SUPT3H: variants seen among roughly 807,000 people sequenced by gnomAD.
The protein encoded by SUPT3H is SPT3 homolog, SAGA and STAGA complex component, also known as transcription initiation protein SPT3 homolog.
In SUPT3H, 44 loss-of-function variants were observed where a neutral mutation model predicts 44.3. The observed-to-expected ratio is 0.99, with a 90% CI of 0.78 to 1.28. The LOEUF (loss-of-function observed/expected upper bound fraction) is 1.28, where lower values mean the gene tolerates loss of function less well. Among genes scored for constraint, SUPT3H ranks in the 50% most tolerant of loss-of-function variants. The pLI, the probability that SUPT3H is intolerant of heterozygous loss-of-function variation, is 0.00. For missense variants in SUPT3H, 380 were observed against 387.1 expected, an observed-to-expected ratio of 0.98 and a Z score of 0.15; for synonymous variants, 124 against 125.6, an observed-to-expected ratio of 0.99 and a Z score of 0.09.
At chr6:45,090,962 T>C (rs1797057618) in intron 3 of SUPT3H, among the ~76,000 whole-genome samples, 1 of 151,958 alleles carries the variant, frequency 6.6e-6, no homozygotes, top group South Asian at 2.1e-4. Context: ...AAGATTCTAC[T>C]AAAACTTTTC....
chr6:44,838,727 C>A (rs73432920), intron 10 of SUPT3H, among the ~76,000 whole-genome samples: 1,771 of 152,172 alleles, frequency 0.012, 41 homozygotes, highest in African/African-American at 0.041. Context: ...GCTTTAGGGC[C>A]TGGCATAAAC....
At chr6:45,348,022 T>C (rs1377880575) in intron 2 of SUPT3H, among the ~76,000 whole-genome samples, 2 of 152,028 alleles carry the variant, frequency 1.3e-5, no homozygotes, top group East Asian at 1.9e-4. Flanking sequence ...TATGTATGCA[T>C]GTGTACACAT....
At chr6:44,886,552 C>T (rs1208571124) in intron 10 of SUPT3H, among the ~76,000 whole-genome samples, 3 of 152,232 alleles carry the variant, frequency 2.0e-5, no homozygotes, top group Non-Finnish European at 4.4e-5. Context: ...AAATCCTTTA[C>T]AGACAAGCAA....
chr6:44,825,604 G>GT (rs1466843135), downstream of SUPT3H, among the ~76,000 whole-genome samples: 2 of 152,214 alleles, frequency 1.3e-5, no homozygotes, highest in Admixed American at 1.3e-4. Context: ...TAGTGGGGCT[G>GT]TGAGTATTAA....
intron 5 of SUPT3H, among the ~76,000 whole-genome samples, chr6:45,005,020 TG>T (rs1442514406): frequency 6.6e-6 from 1 of 152,156 alleles, no homozygotes; most frequent in Non-Finnish European, 1.5e-5. Context: ...GCATTCTGTA[TG>T]GTTGGCTTAA....
chr6:44,849,731 A>C (rs185811213), intron 10 of SUPT3H, among the ~76,000 whole-genome samples: 2 of 152,328 alleles, frequency 1.3e-5, no homozygotes, highest in Admixed American at 1.3e-4. Context: ...TATGTGCAGG[A>C]GAAAATATTA....
chr6:44,893,802 C>T (rs1278043303), intron 10 of SUPT3H, among the ~76,000 whole-genome samples: 20 of 141,798 alleles, frequency 1.4e-4, no homozygotes, highest in Non-Finnish European at 2.0e-4. Flanking sequence ...GCCACACTGA[C>T]TTCCACAATG....
At chr6:44,880,921 G>C (rs1413448231) in intron 10 of SUPT3H, among the ~76,000 whole-genome samples, 1 of 152,106 alleles carries the variant, frequency 6.6e-6, no homozygotes, top group Non-Finnish European at 1.5e-5. Context: ...GCTCCTGAAG[G>C]AAGCACTAAA....
rs532782783 is a variant in SUPT3H, at chr6:44,879,432, G to T, written c.913-49575C>A. On this transcript the variant is annotated intron_variant, in intron 10 of 10. Transcript: ENST00000371459. The stretch of plus-strand genomic sequence containing the variant: ...AGAAAGGCAGCAGCCCCAGTCAGGG[G>T]CTTACAGATAAAGCTCCCATCTTCC... Among the ~76,000 whole-genome samples, 6 of 152,332 alleles carry T rather than the reference G, an allele frequency of 3.9e-5. No homozygotes were observed. The South Asian group carries it at 1.0e-3, about 26-fold the overall frequency.
intron 5 of SUPT3H, among the ~76,000 whole-genome samples, chr6:45,005,156 C>G (rs766822535): frequency 4.6e-5 from 7 of 152,088 alleles, no homozygotes; most frequent in Non-Finnish European, 1.0e-4. Flanking sequence ...TGAGGAATGC[C>G]TTGTCTCTCC....
chr6:45,104,514 G>A (rs1799013787), intron 3 of SUPT3H, among the ~76,000 whole-genome samples: 2 of 151,918 alleles, frequency 1.3e-5, no homozygotes, highest in Non-Finnish European at 2.9e-5. Context: ...AACCTGTCAG[G>A]CTTTAAGATT....
At chr6:45,035,457 C>G (rs1484618836) in intron 3 of SUPT3H, among the ~76,000 whole-genome samples, 1 of 152,044 alleles carries the variant, frequency 6.6e-6, no homozygotes, top group Admixed American at 6.6e-5. Flanking sequence ...GAGAGGTAAT[C>G]TGAAAAGTAC....
chr6:44,870,430 C>G (rs753715431), intron 10 of SUPT3H, among the ~76,000 whole-genome samples: 2 of 151,840 alleles, frequency 1.3e-5, no homozygotes, highest in Non-Finnish European at 2.9e-5. Context: ...AACTCCATCT[C>G]TACGAAAAAT....
rs1319509127 is a variant in SUPT3H, at chr6:44,957,701, C to G, written c.581-3094G>C. On this transcript the variant is annotated intron_variant, in intron 7 of 10. Transcript: ENST00000371459. ...ATGCAGGGACAAGGACCATATATCT[C>G]CAACTGTATCCCTAGCACCTAGAAT... is the stretch of plus-strand genomic sequence containing the variant. Among the ~76,000 whole-genome samples, 3 of 151,828 alleles carry G rather than the reference C, an allele frequency of 2.0e-5. No individual in the cohort carries two copies. In the East Asian group the frequency reaches 5.8e-4, roughly 29 times the overall value.
chr6:45,207,185 A>C (rs77552308), intron 2 of SUPT3H, among the ~76,000 whole-genome samples: 1 of 152,194 alleles, frequency 6.6e-6, no homozygotes, highest in Non-Finnish European at 1.5e-5. Flanking sequence ...AAATAAAAAT[A>C]AACCAGAAGA....
intron 5 of SUPT3H, among the ~76,000 whole-genome samples, chr6:45,012,273 C>T (rs186890422): frequency 6.8e-4 from 104 of 151,930 alleles, no homozygotes; most frequent in Non-Finnish European, 1.1e-3. Context: ...CTCTCATCTT[C>T]TGATACTCTC....
At chr6:44,927,683 A>G (rs1769735454) in intron 10 of SUPT3H, among the ~76,000 whole-genome samples, 2 of 152,244 alleles carry the variant, frequency 1.3e-5, no homozygotes, top group African/African-American at 4.8e-5. Flanking sequence ...TAAAAAAACA[A>G]TTATATTCTT....
intron 2 of SUPT3H, among the ~76,000 whole-genome samples, chr6:45,361,158 T>A (rs1794186748): frequency 6.6e-6 from 1 of 152,166 alleles, no homozygotes; most frequent in Non-Finnish European, 1.5e-5. Flanking sequence ...GTACAATTTT[T>A]AAAATGTATT....
intron 2 of SUPT3H, among the ~76,000 whole-genome samples, chr6:45,340,411 C>A (rs113928736): frequency 3.3e-5 from 5 of 152,188 alleles, no homozygotes; most frequent in African/African-American, 4.8e-5. Flanking sequence ...GCAACTTTGA[C>A]CTCCTGAGCT....
Sources: allele counts gnomAD v4.1 joint callset (sites outside exome capture counted in the v4.1 genomes callset), GRCh38; gene constraint gnomAD v4.1.1; transcripts MANE v1.5; gene names NCBI Gene and HGNC (gene_info 2026-07-23, HGNC 2026-07-21).